The following WNT16 variants were observed in gnomAD, a reference collection of about 807,000 sequenced individuals.
WNT16 encodes Wnt family member 16.
WNT16 carries 20 observed loss-of-function variants against 35.4 expected under a neutral mutation model. The ratio of observed to expected loss-of-function variants is 0.56; its 90% CI spans 0.40 to 0.82. The LOEUF (loss-of-function observed/expected upper bound fraction) is 0.82. Ranked by LOEUF, WNT16 falls within the 40% of genes least tolerant of loss-of-function variation. WNT16 has a pLI of 0.00. For synonymous variants in WNT16, 180 were observed against 179.2 expected (o/e 1.00, Z -0.03); for missense variants, 461 against 466.0 (o/e 0.99, Z 0.10).
chr7:121,331,925 A>G lies in WNT16; in HGVS notation c.594A>G (p.Leu198=). Residue 198 remains leucine, a synonymous_variant, in exon 3 of 4, where the codon CTA becomes CTG. Coordinates refer to ENST00000222462, the MANE Select transcript of WNT16 (RefSeq NM_057168.2). ...CCACGGGCAAAGAAAACAAAGTACT[A>G]TTAGCAATGAACCTACATAACAATG... The part of the protein sequence containing the change: ...GNTTGKENKV[L]LAMNLHNNEA... 1.9e-6 allele frequency: 3 copies of G among 1,614,200 alleles called. No individual in the cohort carries two copies. Among genetic ancestry groups the G allele is most frequent in the South Asian group, 1.1e-5 (1 of 91,084 alleles).
chr7:121,325,609 GT>G (rs1562873366), upstream of WNT16: 4 of 788,432 alleles, frequency 5.1e-6, no homozygotes, highest in Non-Finnish European at 7.7e-6. Context: ...GGTAATCTGA[GT>G]TTTAAGATTT....
intron 3 of WNT16, among the ~76,000 whole-genome samples, chr7:121,335,800 C>A (rs1488916454): frequency 6.6e-6 from 1 of 151,992 alleles, no homozygotes; most frequent in African/African-American, 2.4e-5. Flanking sequence ...TATTTATCAC[C>A]AGCTTTCCTT....
chr7:121,325,692 C>A (rs979367019), upstream of WNT16, among the ~76,000 whole-genome samples: 1 of 151,918 alleles, frequency 6.6e-6, no homozygotes, highest in African/African-American at 2.4e-5. Context: ...TCTCTATACA[C>A]ACACACTATA....
upstream of WNT16, chr7:121,328,975 G>C (rs970638405): frequency 2.8e-6 from 3 of 1,083,320 alleles, no homozygotes; most frequent in African/African-American, 4.9e-5. Flanking sequence ...GGAGAGGCCG[G>C]GGGCGATGGA....
chr7:121,335,807 C>A (rs925482083), intron 3 of WNT16, among the ~76,000 whole-genome samples: 6 of 151,964 alleles, frequency 3.9e-5, no homozygotes, highest in African/African-American at 1.4e-4. Flanking sequence ...CACCAGCTTT[C>A]CTTATGTAAG....
upstream of WNT16, among the ~76,000 whole-genome samples, chr7:121,326,189 A>G (rs1252857273): frequency 6.6e-6 from 1 of 152,172 alleles, no homozygotes; most frequent in Non-Finnish European, 1.5e-5. Flanking sequence ...GGAGAATGAG[A>G]CAGAGACAGA....
chr7:121,336,879 A>G (rs977236425), intron 3 of WNT16, among the ~76,000 whole-genome samples: 64 of 152,216 alleles, frequency 4.2e-4, no homozygotes, highest in African/African-American at 1.5e-3. Flanking sequence ...TTAAGTCACT[A>G]AGTGATGACT....
chr7:121,332,755 G>A (rs1562876062), intron 3 of WNT16, among the ~76,000 whole-genome samples: 1 of 152,036 alleles, frequency 6.6e-6, no homozygotes, highest in East Asian at 1.9e-4. Context: ...ATACTCCTAA[G>A]CATAAAGAAG....
rs1793356832 is a variant in WNT16, at chr7:121,331,938, C to A, written c.607C>A (p.Leu203Ile). Reference sequence around the variant, plus strand: ...AAACAAAGTACTATTAGCAATGAACCTACATAACAATGAAGCTGGAAGGCA... The same window carrying A: ...AAACAAAGTACTATTAGCAATGAACATACATAACAATGAAGCTGGAAGGCA... ...KENKVLLAMN[L>I]HNNEAGRQAV... Residue 203 changes from leucine (L) to isoleucine (I), a missense_variant, in exon 3 of 4, where the codon CTA becomes ATA. Leu to Ile is a conservative substitution (Grantham distance 5). Transcript: ENST00000222462. The A allele has an allele frequency of 1.1e-5, 18 of 1,614,090 alleles. No individual in the cohort carries two copies. The highest frequency in any genetic ancestry group is 1.4e-5 in the Non-Finnish European group (17 of 1,179,990).
Position 121,338,890 on chromosome 7 carries a change from A to T in WNT16, c.643A>T (p.Lys215Ter). The change falls in exon 4 of 4, where the codon AAG (lysine) becomes TAG (stop). Residue 215 changes from lysine to a stop codon, truncating the protein, a stop_gained. Transcript: ENST00000222462. LOFTEE classifies it high-confidence loss of function. ...TTACTGTTGGTTTCAGGCTGTCGCC[A>T]AGTTGATGTCAGTAGACTGCCGCTG... ...NNEAGRQAVA[K>*]LMSVDCRCHG... 1.2e-6 allele frequency: 2 copies of T among 1,611,824 alleles called. No homozygotes were observed. The highest frequency in any genetic ancestry group is 1.7e-6 in the Non-Finnish European group (2 of 1,178,900).
chr7:121,325,430 T>A, upstream of WNT16: 1 of 1,613,564 alleles, frequency 6.2e-7, no homozygotes, highest in Non-Finnish European at 8.5e-7. Flanking sequence ...AGCTCACCAC[T>A]TGCCTCAGGG....
upstream of WNT16, among the ~76,000 whole-genome samples, chr7:121,327,349 C>CTTTTTTT (rs34420179): frequency 1.6e-5 from 2 of 121,554 alleles, no homozygotes; most frequent in African/African-American, 2.9e-5. Context: ...CTATCTAATC[C>CTTTTTTT]TTTTTTTTTT....
intron 3 of WNT16, among the ~76,000 whole-genome samples, chr7:121,337,309 A>T (rs1793459413): frequency 6.6e-6 from 1 of 152,232 alleles, no homozygotes; most frequent in South Asian, 2.1e-4. Context: ...TAAGGTTGCA[A>T]ATGTTATTAT....
upstream of WNT16, among the ~76,000 whole-genome samples, chr7:121,328,518 T>C (rs184545269): frequency 2.5e-3 from 377 of 152,298 alleles, 2 homozygotes; most frequent in Middle Eastern, 3.4e-3. Context: ...TAAAGTCTCC[T>C]GACAGTGGGA....
Position 121,339,315 on chromosome 7 carries a change from A to G in WNT16, c.1068A>G (p.Glu356=), listed in dbSNP as rs751234120. The change falls in exon 4 of 4, where the codon GAA becomes GAG. Residue 356 remains glutamate, a synonymous_variant. Transcript: ENST00000222462. ...GCTATGTCCGTTGCAGGAGGTGTGA[A>G]AGCATGACTGATGTCCACACTTGCA... is the stretch of plus-strand genomic sequence containing the variant. ...WCCYVRCRRC[E]SMTDVHTCK 8 of 1,613,478 alleles carry G rather than the reference A, an allele frequency of 5.0e-6. No individual in the cohort carries two copies. The South Asian group carries it at 8.8e-5, about 18-fold the overall frequency.
chr7:121,325,586 G>C (rs562728856), upstream of WNT16: 11 of 1,091,866 alleles, frequency 1.0e-5, no homozygotes, highest in African/African-American at 1.6e-4. Context: ...AAAAAATTTT[G>C]ACCCAAAGAC....
upstream of WNT16, among the ~76,000 whole-genome samples, chr7:121,327,715 A>G (rs969216247): frequency 2.6e-5 from 4 of 152,182 alleles, no homozygotes; most frequent in Non-Finnish European, 5.9e-5. Context: ...CACCATGGGA[A>G]TGTATTAACA....
At position 121,329,720 on chromosome 7, in the gene WNT16, C is replaced by T. The variant is rs751241463; in HGVS notation, c.249C>T (p.Ser83=). 6.2e-7 allele frequency: 1 copy of T among 1,612,766 alleles called. No homozygotes were observed. ...GGCTGGGCATTCAGGAGTGCGGGAG[C>T]CAGTTCAGACACGAGAGATGGAACT... ...GARLGIQECG[S]QFRHERWNCM... is the part of the protein sequence containing the mutation. Residue 83 remains serine, a synonymous_variant, in exon 2 of 4, where the codon AGC becomes AGT. Transcript: ENST00000222462.
Position 121,331,659 on chromosome 7 carries a change from C to A in WNT16, c.347-19C>A. ...GAAGTTGCCTGGTTCTCTAATTTAG[C>A]AATTTATATTTTTTCTAGGCACCAA... On this transcript the variant is annotated intron_variant, in intron 2 of 3. Transcript: ENST00000222462. 1 of 1,595,594 alleles carries A rather than the reference C, an allele frequency of 6.3e-7. No homozygotes were observed.
Sources: allele counts gnomAD v4.1 joint callset (sites outside exome capture counted in the v4.1 genomes callset), GRCh38; gene constraint gnomAD v4.1.1; transcripts MANE v1.5; gene names NCBI Gene and HGNC (gene_info 2026-07-23, HGNC 2026-07-21).